DPH6: variants seen among roughly 807,000 people sequenced by gnomAD.
DPH6 encodes the protein diphthamine biosynthesis 6.
In DPH6, 33 loss-of-function variants were observed where a neutral mutation model predicts 38.2. The observed-to-expected ratio is 0.86, with a 90% CI of 0.65 to 1.15. The LOEUF (loss-of-function observed/expected upper bound fraction) is 1.15, where lower values mean the gene tolerates loss of function less well. Ranked by LOEUF, DPH6 falls within the 50% of genes most tolerant of loss-of-function variation. The pLI, the probability that DPH6 is intolerant of heterozygous loss-of-function variation, is 0.00. For synonymous variants in DPH6, 108 were observed against 103.0 expected, an observed-to-expected ratio of 1.05 and a Z score of -0.30; for missense variants, 325 against 320.0, an observed-to-expected ratio of 1.02 and a Z score of -0.12.
intron 3 of DPH6, among the ~76,000 whole-genome samples, chr15:35,297,320 T>C (rs1251390039): frequency 6.6e-6 from 1 of 151,074 alleles, no homozygotes; most frequent in African/African-American, 2.5e-5. Flanking sequence ...ATCCACTCTT[T>C]TCCCTCCCTC....
At chr15:35,460,848 C>A (rs1256933513) in intron 3 of DPH6, among the ~76,000 whole-genome samples, 17 of 119,668 alleles carry the variant, frequency 1.4e-4, no homozygotes, top group African/African-American at 5.2e-4. Context: ...CCTATGTCGA[C>A]AATTTTAACA....
intron 3 of DPH6, among the ~76,000 whole-genome samples, chr15:35,470,618 G>C (rs545969627): frequency 7.9e-5 from 12 of 152,006 alleles, no homozygotes; most frequent in African/African-American, 2.6e-4. Flanking sequence ...ACTTACACAG[G>C]TTCACAAAAC....
chr15:35,337,179 G>C (rs1595485913), intron 3 of DPH6, among the ~76,000 whole-genome samples: 1 of 152,264 alleles, frequency 6.6e-6, no homozygotes, highest in Non-Finnish European at 1.5e-5. Flanking sequence ...TCTTGGGAGA[G>C]TGTATGTGTC....
chr15:35,172,054 G>A, the DPH6 span, among the ~76,000 whole-genome samples: 322 of 152,074 alleles, frequency 2.1e-3, 3 homozygotes, highest in Admixed American at 0.012. Flanking sequence ...TTTTAGTAGA[G>A]ACAGGGTTTC....
intron 3 of DPH6, among the ~76,000 whole-genome samples, chr15:35,336,341 C>A (rs1274941659): frequency 7.2e-6 from 1 of 138,716 alleles, no homozygotes; most frequent in East Asian, 2.1e-4. Flanking sequence ...TCACATAGTC[C>A]CATATTTCTT....
intron 3 of DPH6, among the ~76,000 whole-genome samples, chr15:35,461,231 G>C (rs139618743): frequency 6.6e-6 from 1 of 152,136 alleles, no homozygotes; most frequent in Non-Finnish European, 1.5e-5. Context: ...CTACAGGCGC[G>C]TGCCACCATA....
intron 5 of DPH6, among the ~76,000 whole-genome samples, chr15:35,420,495 A>T (rs1006762728): frequency 2.6e-5 from 4 of 152,142 alleles, no homozygotes; most frequent in Non-Finnish European, 5.9e-5. Context: ...AAAATCAATA[A>T]AACAGAGTTT....
chr15:35,376,567 T>C (rs904313289), intron 7 of DPH6, among the ~76,000 whole-genome samples: 1 of 152,148 alleles, frequency 6.6e-6, no homozygotes, highest in African/African-American at 2.4e-5. Context: ...TACAGTAGTG[T>C]ACAGTAATGT....
exon 4 of DPH6, chr15:35,219,043 A>C (rs1486468248): frequency 6.6e-6 from 1 of 152,178 alleles, no homozygotes; most frequent in Non-Finnish European, 1.5e-5. Context: ...TTTCATGAAG[A>C]TATTTTAAAA....
At chr15:35,270,656 C>T (rs2051816680) in intron 3 of DPH6, among the ~76,000 whole-genome samples, 1 of 152,168 alleles carries the variant, frequency 6.6e-6, no homozygotes, top group Non-Finnish European at 1.5e-5. Flanking sequence ...AGTTATTTCC[C>T]TAATACACTC....
At chr15:35,211,822 T>C in the DPH6 span, among the ~76,000 whole-genome samples, 1 of 152,100 alleles carries the variant, frequency 6.6e-6, no homozygotes, top group South Asian at 2.1e-4. Context: ...GTTTGCCAAG[T>C]ACAATTTTTT....
intron 3 of DPH6, among the ~76,000 whole-genome samples, chr15:35,286,528 G>T (rs1287123045): frequency 6.6e-6 from 1 of 152,110 alleles, no homozygotes; most frequent in African/African-American, 2.4e-5. Context: ...GTGACTAAAT[G>T]AACAAATGAC....
the DPH6 span, among the ~76,000 whole-genome samples, chr15:35,163,934 C>T: frequency 6.6e-6 from 1 of 151,780 alleles, no homozygotes; most frequent in African/African-American, 2.4e-5. Context: ...CTATAATATA[C>T]TATACTAAAC....
At chr15:35,165,794 T>C in the DPH6 span, among the ~76,000 whole-genome samples, 1 of 151,982 alleles carries the variant, frequency 6.6e-6, no homozygotes, top group Non-Finnish European at 1.5e-5. Context: ...TATATAATTC[T>C]GAACAACCGA....
chr15:35,532,672 G>A (rs573667661), intron 3 of DPH6, among the ~76,000 whole-genome samples: 41 of 152,152 alleles, frequency 2.7e-4, no homozygotes, highest in Non-Finnish European at 5.0e-4. Flanking sequence ...ATATTAAGGT[G>A]GAAATATCAT....
chr15:35,261,933 C>T (rs1243127713), intron 3 of DPH6, among the ~76,000 whole-genome samples: 2 of 152,044 alleles, frequency 1.3e-5, no homozygotes, highest in Non-Finnish European at 2.9e-5. Context: ...TCACCTGAAG[C>T]TACAGTAGTA....
intron 4 of DPH6, among the ~76,000 whole-genome samples, chr15:35,451,250 T>G (rs1437107197): frequency 6.6e-6 from 1 of 152,230 alleles, no homozygotes; most frequent in South Asian, 2.1e-4. Flanking sequence ...AATTTTTTTT[T>G]AAGAATTTGA....
intron 6 of DPH6, among the ~76,000 whole-genome samples, chr15:35,390,310 A>C (rs955013597): frequency 1.3e-5 from 2 of 152,000 alleles, no homozygotes; most frequent in African/African-American, 4.8e-5. Flanking sequence ...GAATCTGACA[A>C]TTATGTGTCT....
chr15:35,408,346 T>G (rs2053322152), intron 6 of DPH6, among the ~76,000 whole-genome samples: 1 of 151,982 alleles, frequency 6.6e-6, no homozygotes, highest in African/African-American at 2.4e-5. Flanking sequence ...GAGGCAAATC[T>G]GGAGGTGTCA....
Sources: gnomAD v4.1 joint callset for allele counts (sites outside exome capture counted in the v4.1 genomes callset) on GRCh38, gnomAD v4.1.1 for gene constraint, MANE v1.5 for transcripts, NCBI Gene and HGNC (gene_info 2026-07-23, HGNC 2026-07-21) for gene names.